Variants in PRKAR1A observed in about 807,000 individuals in gnomAD.
The protein encoded by PRKAR1A is protein kinase cAMP-dependent type I regulatory subunit alpha.
Under a neutral mutation model 52.0 loss-of-function variants are expected in PRKAR1A, and 3 were observed. The observed-to-expected ratio is 0.06, with a 90% CI of 0.03 to 0.15. PRKAR1A has a LOEUF of 0.15. PRKAR1A is among the 10% of genes least tolerant of loss of function. The pLI, the probability that PRKAR1A is intolerant of heterozygous loss-of-function variation, is 1.00. For missense variants in PRKAR1A, 240 were observed against 477.4 expected, an observed-to-expected ratio of 0.50 and a Z score of 4.63; for synonymous variants, 188 against 168.4, an observed-to-expected ratio of 1.12 and a Z score of -0.90.
chr17:68,479,451 T>G, the PRKAR1A span, among the ~76,000 whole-genome samples: 35 of 152,348 alleles, frequency 2.3e-4, no homozygotes, highest in African/African-American at 8.2e-4. Context: ...TTTCCGATGC[T>G]CACATCTATA....
At chr17:68,435,390 T>G in the PRKAR1A span, among the ~76,000 whole-genome samples, 1 of 152,242 alleles carries the variant, frequency 6.6e-6, no homozygotes, top group Non-Finnish European at 1.5e-5. Context: ...CGAGTTTTCA[T>G]GCAAAGTGTC....
intron 11 of PRKAR1A, among the ~76,000 whole-genome samples, chr17:68,546,445 C>G (rs1478410283): frequency 6.6e-6 from 1 of 152,030 alleles, no homozygotes; most frequent in Non-Finnish European, 1.5e-5. Context: ...AATGGAGACT[C>G]CTTTCCAGAA....
the PRKAR1A span, among the ~76,000 whole-genome samples, chr17:68,418,323 C>T: frequency 6.6e-6 from 1 of 152,174 alleles, no homozygotes; most frequent in African/African-American, 2.4e-5. Context: ...TGATCTTAGG[C>T]AGATCCCTCA....
the PRKAR1A span, among the ~76,000 whole-genome samples, chr17:68,441,997 T>C: frequency 6.6e-6 from 1 of 152,144 alleles, no homozygotes; most frequent in Non-Finnish European, 1.5e-5. Flanking sequence ...TGTTTCTCAT[T>C]TTTCTTGAGA....
chr17:68,514,112 A>G (rs924233647), intron 1 of PRKAR1A, among the ~76,000 whole-genome samples: 1 of 152,220 alleles, frequency 6.6e-6, no homozygotes, highest in Admixed American at 6.5e-5. Context: ...TTATTTTTCC[A>G]TGGCTTCTAA....
At chr17:68,437,012 A>ATGTGTGTGTGTGTG in the PRKAR1A span, among the ~76,000 whole-genome samples, 1,266 of 81,970 alleles carry the variant, frequency 0.015, 20 homozygotes, top group African/African-American at 0.057. Flanking sequence ...AAAAATATAT[A>ATGTGTGTGTGTGTG]TATATGTGTG....
At chr17:68,457,121 G>C in the PRKAR1A span, among the ~76,000 whole-genome samples, 1 of 152,090 alleles carries the variant, frequency 6.6e-6, no homozygotes, top group East Asian at 1.9e-4. Flanking sequence ...GCCCAACCTT[G>C]TCGCTCTGGG....
At chr17:68,426,103 C>T in the PRKAR1A span, 17 of 1,612,630 alleles carry the variant, frequency 1.1e-5, no homozygotes, top group Non-Finnish European at 1.4e-5. Context: ...ATCATCAAGA[C>T]ACACTGGTCC....
chr17:68,436,110 G>A, the PRKAR1A span, among the ~76,000 whole-genome samples: 1 of 152,230 alleles, frequency 6.6e-6, no homozygotes, highest in African/African-American at 2.4e-5. Context: ...ATGGGACAGG[G>A]TGACACATTC....
the PRKAR1A span, chr17:68,452,865 C>T: frequency 1.9e-6 from 3 of 1,573,754 alleles, no homozygotes; most frequent in Admixed American, 5.0e-5. Context: ...GAAGGAGGCT[C>T]TGGTTCTCCT....
At chr17:68,502,416 C>T in the PRKAR1A span, among the ~76,000 whole-genome samples, 2 of 151,392 alleles carry the variant, frequency 1.3e-5, no homozygotes, top group Admixed American at 1.3e-4. Context: ...ATACAAAGAA[C>T]TCTTAAGCTC....
At chr17:68,437,043 T>TGTGTGTG in the PRKAR1A span, among the ~76,000 whole-genome samples, 1 of 149,644 alleles carries the variant, frequency 6.7e-6, no homozygotes, top group Non-Finnish European at 1.5e-5. Context: ...TGTGTATATA[T>TGTGTGTG]TGCTCATTTT....
At chr17:68,450,617 T>G in the PRKAR1A span, 1 of 1,385,156 alleles carries the variant, frequency 7.2e-7, no homozygotes, top group Non-Finnish European at 9.8e-7. Flanking sequence ...GTTAACATTC[T>G]CATTAGAATT....
At chr17:68,495,441 T>C in the PRKAR1A span, among the ~76,000 whole-genome samples, 2 of 152,148 alleles carry the variant, frequency 1.3e-5, no homozygotes, top group Non-Finnish European at 2.9e-5. Context: ...GACGTTCCCA[T>C]CCTTACTCCA....
the PRKAR1A span, among the ~76,000 whole-genome samples, chr17:68,502,817 AT>A: frequency 6.6e-6 from 1 of 151,990 alleles, no homozygotes; most frequent in African/African-American, 2.4e-5. Context: ...AGTTGAGTAA[AT>A]TCTTAGCTAA....
chr17:68,486,960 G>A, the PRKAR1A span, among the ~76,000 whole-genome samples: 1 of 151,542 alleles, frequency 6.6e-6, no homozygotes, highest in East Asian at 1.9e-4. Context: ...TGCAACCTCC[G>A]CCTCCCAGGT....
chr17:68,447,756 G>A, the PRKAR1A span, among the ~76,000 whole-genome samples: 1 of 152,092 alleles, frequency 6.6e-6, no homozygotes, highest in Admixed American at 6.5e-5. Context: ...ACTTTGGGAG[G>A]CCGAGGTGGG....
intron 1 of PRKAR1A, 147 bp from the exon 2 acceptor site, chr17:68,515,247 C>G: frequency 2.6e-6 from 2 of 762,248 alleles, no homozygotes; most frequent in Non-Finnish European, 4.4e-6. Context: ...ATTTTATTCC[C>G]TAGTCCCCAC....
intron 2 of PRKAR1A, among the ~76,000 whole-genome samples, chr17:68,522,501 T>C (rs1426139069): frequency 6.6e-6 from 1 of 152,212 alleles, no homozygotes; most frequent in Non-Finnish European, 1.5e-5. Flanking sequence ...GTTATGTGAG[T>C]ACTAATGGCT....
Sources: gnomAD v4.1 joint callset for allele counts (sites outside exome capture counted in the v4.1 genomes callset) on GRCh38, gnomAD v4.1.1 for gene constraint, MANE v1.5 for transcripts, NCBI Gene and HGNC (gene_info 2026-07-23, HGNC 2026-07-21) for gene names.